The following TUSC3 variants were observed in gnomAD, a reference collection of about 807,000 sequenced individuals.
TUSC3 encodes tumor suppressor candidate 3.
TUSC3 carries 45 observed loss-of-function variants against 44.8 expected under a neutral mutation model. That is an observed-to-expected ratio of 1.00 (90% CI 0.79 to 1.29). The LOEUF is 1.29. TUSC3 is among the 50% of genes most tolerant of loss of function. The pLI, the probability that TUSC3 is intolerant of heterozygous loss-of-function variation, is 0.00. For missense variants in TUSC3, 519 were observed against 437.9 expected (o/e 1.19, Z -1.65); for synonymous variants, 212 against 152.9 (o/e 1.39, Z -2.85).
intron 6 of TUSC3, among the ~76,000 whole-genome samples, chr8:15,716,990 T>C (rs1810084869): frequency 6.6e-6 from 1 of 152,236 alleles, no homozygotes; most frequent in South Asian, 2.1e-4. Context: ...GTATATTTAG[T>C]TGTTTTAAAA....
the TUSC3 span, among the ~76,000 whole-genome samples, chr8:15,778,063 C>A: frequency 6.7e-6 from 1 of 149,864 alleles, no homozygotes; most frequent in African/African-American, 2.5e-5. Flanking sequence ...TGCCTTCAAT[C>A]TGAGTGACAT....
chr8:15,468,569 TA>T (rs1800444909), intron 1 of TUSC3, among the ~76,000 whole-genome samples: 1 of 152,200 alleles, frequency 6.6e-6, no homozygotes, highest in East Asian at 1.9e-4. Flanking sequence ...CTTTGTTTTT[TA>T]CCCTTAAATT....
chr8:15,475,326 T>G (rs915792671), intron 1 of TUSC3, among the ~76,000 whole-genome samples: 1 of 152,138 alleles, frequency 6.6e-6, no homozygotes, highest in Non-Finnish European at 1.5e-5. Flanking sequence ...TCAGGGATAG[T>G]GTTAATTTTC....
intron 1 of TUSC3, among the ~76,000 whole-genome samples, chr8:15,547,772 C>G (rs78306055): frequency 0.033 from 4,988 of 151,280 alleles, 311 homozygotes; most frequent in East Asian, 0.23. Context: ...TCCTCGTTCT[C>G]CCAAGTGAGG....
intron 6 of TUSC3, among the ~76,000 whole-genome samples, chr8:15,693,572 T>A (rs1809017983): frequency 6.6e-6 from 1 of 151,664 alleles, no homozygotes; most frequent in Admixed American, 6.6e-5. Context: ...TTTCTCTAGC[T>A]GCCTTAGCTT....
At chr8:15,685,147 C>T (rs1016898588) in intron 6 of TUSC3, among the ~76,000 whole-genome samples, 2 of 152,172 alleles carry the variant, frequency 1.3e-5, no homozygotes, top group Admixed American at 1.3e-4. Flanking sequence ...TTGAGCTGTG[C>T]TTCTGCCTAT....
At chr8:15,720,510 G>A (rs933453944) in intron 6 of TUSC3, among the ~76,000 whole-genome samples, 1 of 151,846 alleles carries the variant, frequency 6.6e-6, no homozygotes, top group African/African-American at 2.4e-5. Flanking sequence ...TCTTAGACAC[G>A]TTTCATTTAT....
chr8:15,744,508 G>A (rs1811322734), intron 8 of TUSC3, among the ~76,000 whole-genome samples: 1 of 152,058 alleles, frequency 6.6e-6, no homozygotes, highest in South Asian at 2.1e-4. Flanking sequence ...CTGAAAAAGA[G>A]TATTTATTAA....
intron 10 of TUSC3, among the ~76,000 whole-genome samples, chr8:15,762,844 G>T (rs917551753): frequency 6.6e-6 from 1 of 152,018 alleles, no homozygotes; most frequent in Non-Finnish European, 1.5e-5. Context: ...GTGTTTTTAA[G>T]GATCATGCGG....
intron 7 of TUSC3, among the ~76,000 whole-genome samples, chr8:15,732,560 A>C (rs1413926917): frequency 8.3e-6 from 1 of 120,022 alleles, no homozygotes; most frequent in Non-Finnish European, 1.8e-5. Flanking sequence ...GGTGTAGATG[A>C]CCAGGAAAAA....
At chr8:15,733,305 C>A in intron 7 of TUSC3, 2 of 357,932 alleles carry the variant, frequency 5.6e-6, no homozygotes, top group South Asian at 4.4e-5. Context: ...GCATTTGTTG[C>A]AGGTAAGTTT....
At chr8:15,704,584 A>C (rs1809539479) in intron 6 of TUSC3, among the ~76,000 whole-genome samples, 1 of 152,182 alleles carries the variant, frequency 6.6e-6, no homozygotes, top group Admixed American at 6.5e-5. Flanking sequence ...CTACTAAACT[A>C]GACTGTAACG....
At chr8:15,799,351 C>A in the TUSC3 span, among the ~76,000 whole-genome samples, 4 of 152,098 alleles carry the variant, frequency 2.6e-5, no homozygotes, top group Admixed American at 2.0e-4. Flanking sequence ...AGACATTCAG[C>A]TATAAAACTG....
At chr8:15,717,946 T>G (rs1810124283) in intron 6 of TUSC3, among the ~76,000 whole-genome samples, 1 of 152,124 alleles carries the variant, frequency 6.6e-6, no homozygotes, top group South Asian at 2.1e-4. Flanking sequence ...TTAGACATTT[T>G]TAAGTATATA....
chr8:15,808,600 G>A, the TUSC3 span, among the ~76,000 whole-genome samples: 18 of 152,200 alleles, frequency 1.2e-4, no homozygotes, highest in African/African-American at 3.1e-4. Flanking sequence ...CATCTTCCAC[G>A]AAGGTAAGAA....
intron 2 of TUSC3, among the ~76,000 whole-genome samples, chr8:15,511,743 G>C (rs1563270500): frequency 6.6e-6 from 1 of 152,042 alleles, no homozygotes; most frequent in Non-Finnish European, 1.5e-5. Context: ...GGTGGTGGGT[G>C]CCTATAATCC....
intron 10 of TUSC3, chr8:15,758,060 A>G (rs913535786): frequency 2.2e-6 from 3 of 1,373,754 alleles, no homozygotes; most frequent in Non-Finnish European, 2.8e-6. Context: ...ATGTCTACCA[A>G]AAGACTGACA....
chr8:15,735,168 G>A (rs1810878402), intron 7 of TUSC3, among the ~76,000 whole-genome samples: 2 of 151,676 alleles, frequency 1.3e-5, no homozygotes, highest in Admixed American at 1.3e-4. Flanking sequence ...GGTAGAGAAG[G>A]TAGAGCAAAG....
chr8:15,744,180 A>C (rs1014810261), intron 8 of TUSC3, among the ~76,000 whole-genome samples: 2 of 152,086 alleles, frequency 1.3e-5, no homozygotes, highest in African/African-American at 4.8e-5. Context: ...AACTCCCTCA[A>C]GTTCTCCGGC....
Sources: allele counts gnomAD v4.1 joint callset (sites outside exome capture counted in the v4.1 genomes callset), GRCh38; gene constraint gnomAD v4.1.1; transcripts MANE v1.5; gene names NCBI Gene and HGNC (gene_info 2026-07-23, HGNC 2026-07-21).